UNC79: variants seen among roughly 807,000 people sequenced by gnomAD.
The protein encoded by UNC79 is protein unc-79 homolog.
UNC79 carries 37 observed loss-of-function variants against 283.1 expected under a neutral mutation model. The ratio of observed to expected loss-of-function variants is 0.13; its 90% CI spans 0.10 to 0.17. The LOEUF (loss-of-function observed/expected upper bound fraction) is 0.17. UNC79 is among the 10% of genes least tolerant of loss of function. The probability of loss-of-function intolerance (pLI) is 1.00; values close to 1 mark genes in which losing one functional copy is unlikely to be tolerated. For missense variants in UNC79, 2,272 were observed against 3,211.1 expected (o/e 0.71, Z 7.07); for synonymous variants, 1,107 against 1,200.2 (o/e 0.92, Z 1.61).
At chr14:93,613,113 C>T in intron 27 of UNC79, 30 bp downstream of exon 28, 1 of 1,609,826 alleles carries the variant, frequency 6.2e-7, no homozygotes, top group Non-Finnish European at 8.5e-7. Flanking sequence ...TCAGAAGTCA[C>T]ACCTTTATAC....
intron 1 of UNC79, chr14:93,348,464 T>C: frequency 4.7e-6 from 1 of 214,674 alleles, no homozygotes; most frequent in Non-Finnish European, 9.3e-6. Flanking sequence ...TGTTACTATA[T>C]GGGAGTGAAT....
At chr14:93,334,849 G>A (rs1253691091) in intron 1 of UNC79, 2 of 152,114 alleles carry the variant, frequency 1.3e-5, no homozygotes, top group Admixed American at 1.3e-4. Context: ...AGTATATGGG[G>A]GATGACTGTA....
intron 1 of UNC79, among the ~76,000 whole-genome samples, chr14:93,390,861 C>T (rs980159731): frequency 6.6e-6 from 1 of 152,124 alleles, no homozygotes; most frequent in Non-Finnish European, 1.5e-5. Flanking sequence ...GTAAAGATAT[C>T]ATTCTTTTCA....
intron 11 of UNC79, among the ~76,000 whole-genome samples, chr14:93,534,200 G>C (rs1481757387): frequency 6.6e-6 from 1 of 152,200 alleles, no homozygotes; most frequent in Non-Finnish European, 1.5e-5. Flanking sequence ...CCTTGATTAT[G>C]ATCTGGTTTT....
intron 4 of UNC79, among the ~76,000 whole-genome samples, chr14:93,486,733 C>A (rs1350459071): frequency 6.6e-6 from 1 of 150,704 alleles, no homozygotes; most frequent in African/African-American, 2.4e-5. Context: ...TCCATCAGTG[C>A]TACTTTTGAA....
At chr14:93,692,737 A>G (rs1224673910) in intron 46 of UNC79, among the ~76,000 whole-genome samples, 2 of 152,208 alleles carry the variant, frequency 1.3e-5, no homozygotes, top group Admixed American at 1.3e-4. Flanking sequence ...TGTCTGGGGT[A>G]TGGCTAGCCT....
intron 13 of UNC79, among the ~76,000 whole-genome samples, chr14:93,541,691 T>A (rs1222900484): frequency 6.6e-6 from 1 of 152,142 alleles, no homozygotes; most frequent in African/African-American, 2.4e-5. Flanking sequence ...TCATAGTAAA[T>A]GAATGAATGA....
intron 42 of UNC79, among the ~76,000 whole-genome samples, chr14:93,686,321 C>T (rs2074237497): frequency 6.6e-6 from 1 of 152,172 alleles, no homozygotes; most frequent in South Asian, 2.1e-4. Flanking sequence ...TTCAATTACC[C>T]AGTGGATAAA....
At position 93,593,073 on chromosome 14, in the gene UNC79, A is replaced by G. The variant is rs140203866; in HGVS notation, c.3033-607A>G. On this transcript the variant is annotated intron_variant, in intron 22 of 48. Coordinates refer to ENST00000555664, the Ensembl canonical transcript of UNC79. The stretch of plus-strand genomic sequence containing the variant: ...AGAGAGCCTCTTTCTCCCAGAGTGC[A>G]TAACAGTCCCTGAAATAAGAGTTCT... 5.2e-3 allele frequency among the ~76,000 whole-genome samples: 799 copies of G among 152,358 alleles called. 8 individuals are homozygous for G. Among genetic ancestry groups the G allele is most frequent in the Non-Finnish European group, 7.5e-3 (507 of 68,038 alleles).
chr14:93,409,315 A>G (rs963282484), intron 1 of UNC79, among the ~76,000 whole-genome samples: 5 of 152,222 alleles, frequency 3.3e-5, no homozygotes, highest in African/African-American at 1.2e-4. Context: ...TCAAAATAGC[A>G]ATAAAATTAT....
At chr14:93,400,533 G>T (rs1330165542) in intron 1 of UNC79, among the ~76,000 whole-genome samples, 1 of 152,128 alleles carries the variant, frequency 6.6e-6, no homozygotes, top group Non-Finnish European at 1.5e-5. Context: ...AATTAGAGAA[G>T]AATTCATGGA....
At chr14:93,389,023 A>G (rs2054832359) in intron 1 of UNC79, among the ~76,000 whole-genome samples, 1 of 152,164 alleles carries the variant, frequency 6.6e-6, no homozygotes, top group Admixed American at 6.6e-5. Context: ...TTATCCTTGT[A>G]TCATGAATTT....
At chr14:93,587,406 A>G (rs1484777933) in intron 22 of UNC79, among the ~76,000 whole-genome samples, 1 of 152,212 alleles carries the variant, frequency 6.6e-6, no homozygotes, top group Admixed American at 6.5e-5. Context: ...AAAACCTTAA[A>G]ATAACTTTTG....
chr14:93,702,457 A>G (rs2075600861), intron 47 of UNC79, among the ~76,000 whole-genome samples: 1 of 152,232 alleles, frequency 6.6e-6, no homozygotes, highest in African/African-American at 2.4e-5. Flanking sequence ...ATAGAAGTCA[A>G]ATTAGCGAAT....
chr14:93,428,951 G>T (rs933167263), upstream of UNC79, among the ~76,000 whole-genome samples: 7 of 152,180 alleles, frequency 4.6e-5, no homozygotes, highest in African/African-American at 1.7e-4. Flanking sequence ...TCAGTAACGG[G>T]AGGGTTAATT....
chr14:93,355,175 G>A (rs550918816), intron 1 of UNC79, among the ~76,000 whole-genome samples: 10 of 151,800 alleles, frequency 6.6e-5, no homozygotes, highest in African/African-American at 1.9e-4. Context: ...GATTACAGGC[G>A]CCTGCCACCA....
chr14:93,482,094 T>C, intron 4 of UNC79, among the ~76,000 whole-genome samples: 1 of 152,220 alleles, frequency 6.6e-6, no homozygotes, highest in East Asian at 1.9e-4. Flanking sequence ...TATGCACGTG[T>C]ATATCAGGCC....
At chr14:93,532,950 G>T (rs555797616) in intron 11 of UNC79, among the ~76,000 whole-genome samples, 2 of 152,196 alleles carry the variant, frequency 1.3e-5, no homozygotes, top group South Asian at 2.1e-4. Flanking sequence ...TTGAAGTGGA[G>T]TGCAAATAGT....
At chr14:93,558,371 A>C (rs12883605) in intron 14 of UNC79, among the ~76,000 whole-genome samples, 1 of 152,078 alleles carries the variant, frequency 6.6e-6, no homozygotes, top group South Asian at 2.1e-4. Flanking sequence ...CCTGGCTAAC[A>C]CGGTGAAACC....
Sources: gnomAD v4.1 joint callset for allele counts (sites outside exome capture counted in the v4.1 genomes callset) on GRCh38, gnomAD v4.1.1 for gene constraint, MANE v1.5 for transcripts, NCBI Gene and HGNC (gene_info 2026-07-23, HGNC 2026-07-21) for gene names.